Variants in HS6ST3 observed in about 807,000 individuals in gnomAD.
HS6ST3 encodes heparan-sulfate 6-O-sulfotransferase 3.
A neutral mutation model predicts 36.7 loss-of-function variants in HS6ST3; 12 were observed. The ratio of observed to expected loss-of-function variants is 0.33; its 90% confidence interval spans 0.21 to 0.53. HS6ST3 has a LOEUF of 0.53. HS6ST3 is among the 20% of genes least tolerant of loss of function. HS6ST3 has a pLI of 0.95. For missense variants in HS6ST3, 584 were observed against 640.9 expected (o/e 0.91, Z 0.96); for synonymous variants, 240 against 257.5 (o/e 0.93, Z 0.65).
chr13:96,787,386 C>A (rs1199699161), intron 1 of HS6ST3, among the ~76,000 whole-genome samples: 3 of 152,050 alleles, frequency 2.0e-5, no homozygotes, highest in Non-Finnish European at 2.9e-5. Flanking sequence ...TGTTTCCCAT[C>A]CTTCCCAGCA....
intron 1 of HS6ST3, among the ~76,000 whole-genome samples, chr13:96,478,382 CA>C (rs1260615047): frequency 6.6e-6 from 1 of 151,652 alleles, no homozygotes; most frequent in Non-Finnish European, 1.5e-5. Context: ...TCCTAAGCGG[CA>C]AAAAAGGAAG....
At chr13:96,366,547 GT>G (rs910454411) in intron 1 of HS6ST3, among the ~76,000 whole-genome samples, 3 of 152,094 alleles carry the variant, frequency 2.0e-5, no homozygotes, top group African/African-American at 7.2e-5. Flanking sequence ...TCTTTCTTTA[GT>G]GAGTCTAGGC....
chr13:96,740,257 C>T (rs996260174), intron 1 of HS6ST3, among the ~76,000 whole-genome samples: 2 of 152,130 alleles, frequency 1.3e-5, no homozygotes, highest in African/African-American at 4.8e-5. Context: ...ATAGAGTGCT[C>T]AGTAAATACT....
At chr13:96,287,120 C>T (rs1235991709) in intron 1 of HS6ST3, among the ~76,000 whole-genome samples, 1 of 152,180 alleles carries the variant, frequency 6.6e-6, no homozygotes, top group Non-Finnish European at 1.5e-5. Context: ...TAGAAGTTGA[C>T]TCCAGCAGCC....
At chr13:96,822,865 C>A (rs1878566710) in intron 1 of HS6ST3, among the ~76,000 whole-genome samples, 1 of 152,206 alleles carries the variant, frequency 6.6e-6, no homozygotes, top group Non-Finnish European at 1.5e-5. Flanking sequence ...TTTAATATAG[C>A]TGCAGTGCTG....
At chr13:96,369,423 T>C (rs1353920960) in intron 1 of HS6ST3, among the ~76,000 whole-genome samples, 1 of 152,210 alleles carries the variant, frequency 6.6e-6, no homozygotes, top group Non-Finnish European at 1.5e-5. Flanking sequence ...GCCTTAGGTA[T>C]TCTTAACAGC....
intron 1 of HS6ST3, among the ~76,000 whole-genome samples, chr13:96,608,702 CA>C (rs1301095647): frequency 6.6e-6 from 1 of 152,046 alleles, no homozygotes; most frequent in Non-Finnish European, 1.5e-5. Flanking sequence ...TAAAAATGAG[CA>C]AAACCAGAGT....
At chr13:96,783,000 T>A (rs949365865) in intron 1 of HS6ST3, among the ~76,000 whole-genome samples, 1 of 152,138 alleles carries the variant, frequency 6.6e-6, no homozygotes, top group Admixed American at 6.6e-5. Flanking sequence ...GCACTGGACC[T>A]GAAATAATTC....
At chr13:96,632,318 T>TG (rs2056534685) in intron 1 of HS6ST3, among the ~76,000 whole-genome samples, 1 of 150,528 alleles carries the variant, frequency 6.6e-6, no homozygotes, top group Admixed American at 6.6e-5. Flanking sequence ...TGTGTTTTTT[T>TG]TTGTTTGTTT....
At chr13:96,296,378 A>T (rs189335965) in intron 1 of HS6ST3, among the ~76,000 whole-genome samples, 1 of 152,254 alleles carries the variant, frequency 6.6e-6, no homozygotes, top group East Asian at 1.9e-4. Flanking sequence ...CTAGCTTAAC[A>T]TTGAATCTTT....
intron 1 of HS6ST3, among the ~76,000 whole-genome samples, chr13:96,696,170 C>A (rs980662302): frequency 2.6e-5 from 4 of 152,128 alleles, no homozygotes; most frequent in Non-Finnish European, 5.9e-5. Context: ...AATCCATAGG[C>A]CAGGCTGTCA....
At chr13:96,599,714 G>C (rs902996026) in intron 1 of HS6ST3, among the ~76,000 whole-genome samples, 1 of 151,942 alleles carries the variant, frequency 6.6e-6, no homozygotes, top group South Asian at 2.1e-4. Flanking sequence ...GTTCCTTGAG[G>C]AGTGATGTTA....
chr13:96,465,965 T>G (rs1349100499), intron 1 of HS6ST3, among the ~76,000 whole-genome samples: 3 of 151,968 alleles, frequency 2.0e-5, no homozygotes, highest in Non-Finnish European at 2.9e-5. Context: ...TTTATTTGTG[T>G]GTGTGTGTGG....
chr13:96,688,245 A>T (rs914159967), intron 1 of HS6ST3, among the ~76,000 whole-genome samples: 12 of 129,184 alleles, frequency 9.3e-5, no homozygotes, highest in Admixed American at 2.4e-4. Context: ...ATCATAATAA[A>T]AAGACTCTCT....
At chr13:96,786,400 A>G (rs925582237) in intron 1 of HS6ST3, among the ~76,000 whole-genome samples, 15 of 152,006 alleles carry the variant, frequency 9.9e-5, no homozygotes, top group Non-Finnish European at 2.1e-4. Flanking sequence ...TGTTTCCCTC[A>G]TGAGTTTGTA....
At chr13:96,624,795 G>T (rs2056506552) in intron 1 of HS6ST3, among the ~76,000 whole-genome samples, 1 of 152,102 alleles carries the variant, frequency 6.6e-6, no homozygotes, top group African/African-American at 2.4e-5. Context: ...TATTAATCTT[G>T]TTCACAACCA....
At chr13:96,246,927 T>C (rs117931522) in intron 1 of HS6ST3, among the ~76,000 whole-genome samples, 2,589 of 152,262 alleles carry the variant, frequency 0.017, 33 homozygotes, top group East Asian at 0.055. Context: ...TTTTGCTTAG[T>C]ATCTGCTGCT....
chr13:96,288,994 T>G lies in HS6ST3; in HGVS notation c.707+197425T>G, dbSNP rs143786968. ...GATTATAAGAGAAATATTCAAGCTT[T>G]CTTTATACTATTAATAGTCACTTAG... On this transcript the variant is annotated intron_variant, in intron 1 of 1. Transcript: ENST00000376705. 5.9e-5 allele frequency among the ~76,000 whole-genome samples: 9 copies of G among 152,150 alleles called. 1 individual carries two copies. In the East Asian group the frequency reaches 1.7e-3, roughly 29 times the overall value.
intron 1 of HS6ST3, among the ~76,000 whole-genome samples, chr13:96,703,501 T>TA (rs1300233073): frequency 6.6e-6 from 1 of 152,312 alleles, no homozygotes; most frequent in East Asian, 1.9e-4. Context: ...TTGTGCAGCA[T>TA]AAAATTGCTG....
Sources: allele counts gnomAD v4.1 joint callset (sites outside exome capture counted in the v4.1 genomes callset), GRCh38; gene constraint gnomAD v4.1.1; transcripts MANE v1.5; gene names NCBI Gene and HGNC (gene_info 2026-07-23, HGNC 2026-07-21).